The following CTNNA2 variants were observed in gnomAD, a reference collection of about 807,000 sequenced individuals.
CTNNA2 encodes catenin alpha-2.
Under a neutral mutation model 101.0 loss-of-function variants are expected in CTNNA2, and 42 were observed. That is an observed-to-expected ratio of 0.42 (90% CI 0.32 to 0.54). CTNNA2 has a LOEUF of 0.54. CTNNA2 is among the 20% of genes least tolerant of loss of function. CTNNA2 has a pLI of 0.14. For missense variants in CTNNA2, 871 were observed against 1,223.1 expected (o/e 0.71, Z 4.29); for synonymous variants, 450 against 456.4 (o/e 0.99, Z 0.18).
chr2:79,651,583 T>G lies in CTNNA2; in HGVS notation c.27T>G (p.Ile9Met). ...TGACTTCGGCAACTTCACCTATCAT[T>G]CTGAAATGGGACCCCAAAAGTTTGG... is the stretch of plus-strand genomic sequence containing the variant. MTSATSPI[I>M]LKWDPKSLEI... is the part of the protein sequence containing the mutation. Residue 9 changes from isoleucine (I) to methionine (M), a missense_variant, in exon 2 of 19, where the codon ATT becomes ATG. By Grantham distance (10) the Ile-to-Met change is conservative. This residue lies in a region of CTNNA2 where 647 missense variants were observed against 831.5 expected (regional missense o/e 0.78). Transcript: ENST00000402739. 1 of 1,613,874 alleles carries G rather than the reference T, an allele frequency of 6.2e-7. No individual in the cohort carries two copies.
intron 7 of CTNNA2, among the ~76,000 whole-genome samples, chr2:80,077,587 A>T (rs75538993): frequency 5.0e-5 from 3 of 59,796 alleles, no homozygotes; most frequent in African/African-American, 1.8e-4. Flanking sequence ...TGTCTCTATT[A>T]AAAAAAAAAA....
At chr2:80,385,012 A>G (rs955889793) in intron 7 of CTNNA2, among the ~76,000 whole-genome samples, 1 of 152,162 alleles carries the variant, frequency 6.6e-6, no homozygotes, top group African/African-American at 2.4e-5. Context: ...GTGCAACTAG[A>G]TTCAGGAGGC....
chr2:79,695,948 A>T (rs971016837), intron 2 of CTNNA2, among the ~76,000 whole-genome samples: 18 of 151,976 alleles, frequency 1.2e-4, no homozygotes, highest in African/African-American at 4.3e-4. Flanking sequence ...GGCAGCATTG[A>T]TGGCTAAACT....
At chr2:79,258,989 G>A (rs1674886154) in intron 2 of CTNNA2, among the ~76,000 whole-genome samples, 1 of 152,068 alleles carries the variant, frequency 6.6e-6, no homozygotes, top group South Asian at 2.1e-4. Flanking sequence ...GCCAGTTCCA[G>A]GTGTGAAACG....
At chr2:80,441,029 G>A (rs1325615569) in intron 9 of CTNNA2, among the ~76,000 whole-genome samples, 1 of 152,180 alleles carries the variant, frequency 6.6e-6, no homozygotes, top group African/African-American at 2.4e-5. Context: ...AAACAATGTG[G>A]CCAAACATGC....
chr2:79,449,599 A>T lies in CTNNA2; in HGVS notation c.-134-55455A>T, dbSNP rs116054838. On this transcript the variant is annotated intron_variant, in intron 4 of 21. Coordinates refer to the CTNNA2 transcript ENST00000466387. ...ATGTTTACTGGATAGAGGAAAAAAT[A>T]CTTCAGGAAACAGTTTACCTCTGTT... Among the ~76,000 whole-genome samples the T allele has an allele frequency of 9.8e-3, 1,499 of 152,200 alleles. 22 individuals are homozygous for T. Among genetic ancestry groups the T allele is most frequent in the African/African-American group, 0.034 (1,424 of 41,538 alleles).
intron 7 of CTNNA2, among the ~76,000 whole-genome samples, chr2:80,123,898 A>G (rs935748796): frequency 5.3e-5 from 8 of 152,122 alleles, no homozygotes; most frequent in Admixed American, 3.3e-4. Context: ...TCTGAGGGAA[A>G]ACAGGGTACA....
chr2:80,095,696 A>G (rs184744255), intron 7 of CTNNA2, among the ~76,000 whole-genome samples: 2,234 of 152,284 alleles, frequency 0.015, 48 homozygotes, highest in African/African-American at 0.05. Context: ...TTACTGGTCT[A>G]TTCAGAGATT....
At chr2:80,414,017 G>A (rs148187549) in intron 8 of CTNNA2, among the ~76,000 whole-genome samples, 122 of 152,254 alleles carry the variant, frequency 8.0e-4, no homozygotes, top group African/African-American at 2.8e-3. Context: ...CCTCAACTTG[G>A]GTGTTAACTT....
intron 7 of CTNNA2, among the ~76,000 whole-genome samples, chr2:80,279,601 T>G (rs1268908335): frequency 6.6e-6 from 1 of 152,130 alleles, no homozygotes. Flanking sequence ...GCTCTCAGCT[T>G]ATTGCTTTGA....
chr2:80,339,803 C>T (rs1019208610), intron 7 of CTNNA2, among the ~76,000 whole-genome samples: 1 of 152,126 alleles, frequency 6.6e-6, no homozygotes, highest in African/African-American at 2.4e-5. Context: ...AGAAATCAGA[C>T]AACAGATGAC....
chr2:79,252,525 T>C (rs1055939076), intron 2 of CTNNA2, among the ~76,000 whole-genome samples: 5 of 152,186 alleles, frequency 3.3e-5, no homozygotes, highest in African/African-American at 4.8e-5. Context: ...GATTTAGGTA[T>C]AACTTGATTT....
intron 7 of CTNNA2, among the ~76,000 whole-genome samples, chr2:80,368,767 T>C (rs1435144313): frequency 6.7e-6 from 1 of 148,498 alleles, no homozygotes; most frequent in Non-Finnish European, 1.5e-5. Flanking sequence ...AGGTTTGCCA[T>C]TTTTAGCAAA....
chr2:80,131,495 A>G (rs902941718), intron 7 of CTNNA2, among the ~76,000 whole-genome samples: 16 of 152,346 alleles, frequency 1.1e-4, no homozygotes, highest in Non-Finnish European at 1.9e-4. Context: ...ATAAAATTCT[A>G]TCTATTTCTA....
chr2:79,279,742 G>C (rs1437907727), intron 2 of CTNNA2, among the ~76,000 whole-genome samples: 2 of 152,092 alleles, frequency 1.3e-5, no homozygotes, highest in Admixed American at 6.6e-5. Context: ...TGAAGCCACA[G>C]CTCATATGCA....
intron 2 of CTNNA2, among the ~76,000 whole-genome samples, chr2:79,730,078 G>A (rs1048553980): frequency 6.6e-6 from 1 of 152,030 alleles, no homozygotes; most frequent in Non-Finnish European, 1.5e-5. Context: ...AGACAAATAT[G>A]TGCTGATCAT....
At chr2:80,219,742 A>C (rs1708470336) in intron 7 of CTNNA2, among the ~76,000 whole-genome samples, 1 of 152,158 alleles carries the variant, frequency 6.6e-6, no homozygotes, top group South Asian at 2.1e-4. Flanking sequence ...AATATATAAC[A>C]AAACCTCAAT....
intron 7 of CTNNA2, among the ~76,000 whole-genome samples, chr2:80,009,912 TAG>T (rs1322975149): frequency 9.2e-5 from 14 of 152,192 alleles, no homozygotes; most frequent in Non-Finnish European, 1.8e-4. Flanking sequence ...CAGACCGTCC[TAG>T]GTTCAGATGT....
chr2:79,987,226 A>G (rs1481846552), intron 7 of CTNNA2, among the ~76,000 whole-genome samples: 5 of 152,210 alleles, frequency 3.3e-5, no homozygotes, highest in Non-Finnish European at 7.3e-5. Flanking sequence ...GTGAGCCTTT[A>G]TCATGGAGTA....
Sources: gnomAD v4.1 joint callset for allele counts (sites outside exome capture counted in the v4.1 genomes callset) on GRCh38, gnomAD v4.1.1 for gene constraint, gnomAD v4.1.1 regional missense constraint, MANE v1.5 for transcripts, NCBI Gene and HGNC (gene_info 2026-07-23, HGNC 2026-07-21) for gene names.